LRRC4C: variants seen among roughly 807,000 people sequenced by gnomAD.
LRRC4C encodes the protein leucine rich repeat containing 4C.
In LRRC4C, 5 loss-of-function variants were observed where a neutral mutation model predicts 33.6. That is an observed-to-expected ratio of 0.15 (90% CI 0.08 to 0.31). LRRC4C has a LOEUF of 0.31. Among genes scored for constraint, LRRC4C ranks in the 10% least tolerant of loss-of-function variants. LRRC4C has a pLI of 1.00. For missense variants in LRRC4C, 560 were observed against 796.7 expected, an observed-to-expected ratio of 0.70 and a Z score of 3.58; for synonymous variants, 329 against 302.0, an observed-to-expected ratio of 1.09 and a Z score of -0.93.
rs567116171 is a variant in LRRC4C, at chr11:41,242,981, A to G, written c.-496+216450T>C. ...GTGAGTTCAATGATTAGGCTTGTAA[A>G]GGAAAAAAATTCTATCCCTGTTTTT... On this transcript the variant is annotated intron_variant, in intron 1 of 6. Transcript: ENST00000528697. Among the ~76,000 whole-genome samples the G allele has an allele frequency of 2.0e-5, 3 of 152,316 alleles. No homozygotes were observed. In the South Asian group the frequency reaches 6.2e-4, roughly 32 times the overall value.
chr11:40,835,121 G>A (rs1165423501), intron 2 of LRRC4C, among the ~76,000 whole-genome samples: 3 of 152,076 alleles, frequency 2.0e-5, no homozygotes, highest in Non-Finnish European at 4.4e-5. Context: ...ACTTAAACAT[G>A]AAATTCATTT....
At chr11:41,456,615 T>A (rs1313981914) in intron 1 of LRRC4C, among the ~76,000 whole-genome samples, 1 of 152,112 alleles carries the variant, frequency 6.6e-6, no homozygotes, top group Non-Finnish European at 1.5e-5. Context: ...CTTCACCAAT[T>A]CATTCTTTTA....
At chr11:40,402,527 GATAC>G (rs1286864595) in intron 3 of LRRC4C, among the ~76,000 whole-genome samples, 2 of 152,044 alleles carry the variant, frequency 1.3e-5, no homozygotes, top group African/African-American at 4.8e-5. Context: ...TTTCCCAACT[GATAC>G]ATATAGTAGT....
At chr11:41,416,807 T>G (rs892267984) in intron 1 of LRRC4C, among the ~76,000 whole-genome samples, 2 of 152,050 alleles carry the variant, frequency 1.3e-5, no homozygotes, top group African/African-American at 4.8e-5. Context: ...TTTTACATAC[T>G]ATGTGTGAAA....
intron 1 of LRRC4C, among the ~76,000 whole-genome samples, chr11:40,963,718 C>A (rs114854552): frequency 0.014 from 2,116 of 151,802 alleles, 56 homozygotes; most frequent in African/African-American, 0.049. Context: ...TCAATCAAAT[C>A]AAATACTATA....
intron 1 of LRRC4C, among the ~76,000 whole-genome samples, chr11:41,166,829 T>A (rs531368194): frequency 1.3e-5 from 2 of 152,278 alleles, no homozygotes; most frequent in Non-Finnish European, 2.9e-5. Context: ...CAAACACATG[T>A]ATGATGCTTA....
chr11:40,531,416 T>C (rs955413101), intron 3 of LRRC4C, among the ~76,000 whole-genome samples: 2 of 152,050 alleles, frequency 1.3e-5, no homozygotes, highest in Non-Finnish European at 2.9e-5. Context: ...CTGTGATATG[T>C]AAACCTCAGA....
chr11:41,386,803 G>A (rs1449912841), intron 1 of LRRC4C, among the ~76,000 whole-genome samples: 1 of 151,642 alleles, frequency 6.6e-6, no homozygotes, highest in Non-Finnish European at 1.5e-5. Context: ...GATTTTTCAT[G>A]GTGCTGACAA....
At chr11:40,474,328 G>A (rs1046147096) in intron 3 of LRRC4C, among the ~76,000 whole-genome samples, 2 of 152,096 alleles carry the variant, frequency 1.3e-5, no homozygotes, top group Non-Finnish European at 2.9e-5. Flanking sequence ...ACAAGCAATG[G>A]GGAAAAGATT....
At chr11:40,904,979 G>A (rs1395188239) in intron 2 of LRRC4C, among the ~76,000 whole-genome samples, 2 of 152,060 alleles carry the variant, frequency 1.3e-5, no homozygotes, top group African/African-American at 2.4e-5. Flanking sequence ...ATACAAGCAA[G>A]CTAAGCACAT....
intron 2 of LRRC4C, among the ~76,000 whole-genome samples, chr11:40,742,867 A>G (rs2136918913): frequency 6.6e-6 from 1 of 152,182 alleles, no homozygotes; most frequent in Admixed American, 6.5e-5. Context: ...ATATGTGAGT[A>G]CAGAGTAGGC....
At chr11:40,969,649 C>T (rs1177643655) in intron 1 of LRRC4C, among the ~76,000 whole-genome samples, 1 of 152,040 alleles carries the variant, frequency 6.6e-6, no homozygotes, top group Non-Finnish European at 1.5e-5. Context: ...ACTGAAGACT[C>T]AGATGATTAT....
intron 2 of LRRC4C, among the ~76,000 whole-genome samples, chr11:40,762,102 T>C (rs1242128600): frequency 5.9e-5 from 9 of 152,168 alleles, no homozygotes; most frequent in Non-Finnish European, 1.0e-4. Context: ...GAATTGGCTA[T>C]TTTTTCTGCA....
At chr11:41,093,748 A>G (rs962678822) in intron 1 of LRRC4C, among the ~76,000 whole-genome samples, 2 of 152,014 alleles carry the variant, frequency 1.3e-5, no homozygotes, top group African/African-American at 4.8e-5. Context: ...TAAAATGTAT[A>G]TTTGATGCTC....
intron 1 of LRRC4C, among the ~76,000 whole-genome samples, chr11:41,035,350 A>T (rs1336273782): frequency 6.6e-6 from 1 of 151,894 alleles, no homozygotes; most frequent in Non-Finnish European, 1.5e-5. Flanking sequence ...TGTATTAGAT[A>T]TTTTTCCTAA....
In LRRC4C at chr11:40,566,333, C is replaced by T. The variant is rs1342310932; in HGVS notation, c.-270+81809G>A. 1.1e-4 allele frequency among the ~76,000 whole-genome samples: 16 copies of T among 151,770 alleles called. No homozygotes were observed. The South Asian group carries it at 2.5e-3, about 24-fold the overall frequency. On this transcript the variant is annotated intron_variant, in intron 3 of 6. Coordinates refer to ENST00000528697, the MANE Select transcript of LRRC4C (RefSeq NM_001258419.2). ...TGCAAAGACTTTTAGAGTTGCTCCT[C>T]GAAAGTCAAAATTTTGAACGATGAA...
chr11:40,381,124 C>A (rs1307919513), intron 3 of LRRC4C, among the ~76,000 whole-genome samples: 1 of 151,702 alleles, frequency 6.6e-6, no homozygotes, highest in African/African-American at 2.4e-5. Context: ...CATCCACAAG[C>A]CTGAATGAAT....
At chr11:40,955,478 G>T (rs1430121568) in intron 1 of LRRC4C, among the ~76,000 whole-genome samples, 1 of 151,708 alleles carries the variant, frequency 6.6e-6, no homozygotes, top group African/African-American at 2.4e-5. Context: ...TTTTTTAGAA[G>T]ATATAAAGTG....
chr11:40,878,773 G>A (rs1267124316), intron 2 of LRRC4C, among the ~76,000 whole-genome samples: 3 of 152,186 alleles, frequency 2.0e-5, no homozygotes, highest in African/African-American at 7.2e-5. Flanking sequence ...TATTAGCACT[G>A]CTGTGTGGTG....
Sources: gnomAD v4.1 joint callset for allele counts (sites outside exome capture counted in the v4.1 genomes callset) on GRCh38, gnomAD v4.1.1 for gene constraint, MANE v1.5 for transcripts, NCBI Gene and HGNC (gene_info 2026-07-23, HGNC 2026-07-21) for gene names.